The following STK32B variants were observed in gnomAD, a reference collection of about 807,000 sequenced individuals.
STK32B encodes serine/threonine-protein kinase 32B.
STK32B carries 43 observed loss-of-function variants against 52.6 expected under a neutral mutation model. The observed-to-expected ratio is 0.82, with a 90% CI of 0.64 to 1.05. STK32B has a LOEUF of 1.05. STK32B is among the 50% of genes least tolerant of loss of function. STK32B has a pLI of 0.00. For missense variants in STK32B, 621 were observed against 534.6 expected (o/e 1.16, Z -1.59); for synonymous variants, 238 against 204.3 (o/e 1.17, Z -1.41).
chr4:5,189,291 C>A (rs746483457), intron 3 of STK32B, among the ~76,000 whole-genome samples: 1 of 152,176 alleles, frequency 6.6e-6, no homozygotes, highest in Non-Finnish European at 1.5e-5. Context: ...TGCTCTAAAA[C>A]CCTCTGTGAT....
In STK32B at chr4:5,148,069, T is replaced by C. The variant is rs958225842; in HGVS notation, c.108+8109T>C. On this transcript the variant is annotated intron_variant, in intron 2 of 11. Coordinates refer to ENST00000282908, the MANE Select transcript of STK32B (RefSeq NM_018401.3). ...AAGGCTTTTGACTACAAAATTACCT[T>C]CTTTAGTAGATATAAGGCACTCAGA... 2.0e-5 allele frequency among the ~76,000 whole-genome samples: 3 copies of C among 151,922 alleles called. 1 individual carries two copies. The highest frequency in any genetic ancestry group is 3.8e-4 in the East Asian group (2 of 5,198).
chr4:5,221,931 A>G (rs757778663), intron 3 of STK32B, among the ~76,000 whole-genome samples: 1 of 151,878 alleles, frequency 6.6e-6, no homozygotes, highest in Non-Finnish European at 1.5e-5. Context: ...TGATTAGGCC[A>G]CCAGGTCTCC....
chr4:5,495,749 T>G (rs943311051), intron 11 of STK32B, among the ~76,000 whole-genome samples: 12 of 152,200 alleles, frequency 7.9e-5, no homozygotes, highest in African/African-American at 1.4e-4. Context: ...TACAGATGGG[T>G]TTTTGGTGTG....
At chr4:5,357,088 T>C (rs1734236909) in intron 4 of STK32B, among the ~76,000 whole-genome samples, 1 of 148,690 alleles carries the variant, frequency 6.7e-6, no homozygotes, top group Non-Finnish European at 1.5e-5. Context: ...CACACACGTA[T>C]ACACACACAC....
At chr4:5,457,823 G>C (rs892955523) in intron 8 of STK32B, among the ~76,000 whole-genome samples, 17 of 145,590 alleles carry the variant, frequency 1.2e-4, no homozygotes, top group Admixed American at 1.1e-3. Context: ...GGTGAGCCAA[G>C]ATCGCACCAT....
intron 4 of STK32B, among the ~76,000 whole-genome samples, chr4:5,387,591 A>C (rs1341027872): frequency 6.6e-6 from 1 of 152,120 alleles, no homozygotes. Flanking sequence ...CCAGCCGTGC[A>C]TGCAGACACA....
chr4:5,447,030 A>T, intron 7 of STK32B: 1 of 369,004 alleles, frequency 2.7e-6, no homozygotes, highest in South Asian at 4.6e-5. Flanking sequence ...ACAGCGGATC[A>T]GTGACAAGTC....
rs372888437 is a variant in STK32B, at chr4:5,254,670, G to T, written c.261-76550G>T. On this transcript the variant is annotated intron_variant, in intron 3 of 11. Transcript: ENST00000282908. ...TAAAATTTCCAAACATTTGGAGATT[G>T]TTTAGCTTTTTCTTATTGAGTTCCA... Among the ~76,000 whole-genome samples the T allele has an allele frequency of 1.1e-4, 17 of 152,166 alleles. No individual in the cohort carries two copies. The East Asian group carries it at 2.5e-3, about 22-fold the overall frequency.
chr4:5,182,751 G>A (rs1024929015), intron 3 of STK32B, among the ~76,000 whole-genome samples: 6 of 151,994 alleles, frequency 3.9e-5, no homozygotes, highest in East Asian at 1.9e-4. Flanking sequence ...GAGCCACTGC[G>A]CCCAGCCCCA....
intron 2 of STK32B, among the ~76,000 whole-genome samples, chr4:5,165,216 A>G (rs920624680): frequency 3.2e-4 from 49 of 152,280 alleles, no homozygotes; most frequent in Admixed American, 1.4e-3. Flanking sequence ...AAGACCCCTG[A>G]TCCTTGGCCT....
chr4:5,459,652 G>T (rs1716875757), intron 8 of STK32B, among the ~76,000 whole-genome samples: 1 of 152,196 alleles, frequency 6.6e-6, no homozygotes, highest in African/African-American at 2.4e-5. Context: ...TACAAATGAG[G>T]CCACTTCATT....
chr4:5,441,114 C>T (rs13123348), intron 6 of STK32B, among the ~76,000 whole-genome samples: 1 of 147,988 alleles, frequency 6.8e-6, no homozygotes, highest in Non-Finnish European at 1.5e-5. Flanking sequence ...ATGATGCTGG[C>T]CTCATAAAAT....
At position 5,317,725 on chromosome 4, in the gene STK32B, G is replaced by A. The variant is rs1001178139; in HGVS notation, c.261-13495G>A. 6.6e-5 allele frequency among the ~76,000 whole-genome samples: 10 copies of A among 150,738 alleles called. No homozygotes were observed. The East Asian group carries it at 1.4e-3, about 21-fold the overall frequency. ...CCTATTCTTGTTTGGGAGGCTTCTT[G>A]GAGAAGGTGACAAGTGATTTCCTTA... On this transcript the variant is annotated intron_variant, in intron 3 of 11. Transcript: ENST00000282908.
At chr4:5,495,412 G>GA (rs1720138633) in intron 11 of STK32B, among the ~76,000 whole-genome samples, 1 of 152,062 alleles carries the variant, frequency 6.6e-6, no homozygotes, top group South Asian at 2.1e-4. Flanking sequence ...CTCGAGCCTT[G>GA]GCTTTCAGCT....
chr4:5,059,052 C>CTTTTTTTTTT (rs3072775), intron 1 of STK32B, among the ~76,000 whole-genome samples: 3,578 of 86,776 alleles, frequency 0.041, 709 homozygotes, highest in East Asian at 0.079. Flanking sequence ...CGCCCAGCTG[C>CTTTTTTTTTT]TTTTTTTTTT....
At chr4:5,472,474 T>C (rs1717919409) in intron 11 of STK32B, among the ~76,000 whole-genome samples, 1 of 152,248 alleles carries the variant, frequency 6.6e-6, no homozygotes, top group African/African-American at 2.4e-5. Context: ...CCAGGGCTGG[T>C]CAGGGCTTTG....
At chr4:5,445,175 C>G (rs1000658241) in intron 6 of STK32B, among the ~76,000 whole-genome samples, 1 of 152,134 alleles carries the variant, frequency 6.6e-6, no homozygotes, top group Non-Finnish European at 1.5e-5. Context: ...TGAAAGTGCA[C>G]TTAGAAAATG....
At chr4:5,045,763 C>T in the STK32B span, among the ~76,000 whole-genome samples, 2,324 of 152,080 alleles carry the variant, frequency 0.015, 24 homozygotes, top group South Asian at 0.064. Context: ...TTTTGTATCC[C>T]GAGACTTTGC....
intron 2 of STK32B, among the ~76,000 whole-genome samples, chr4:5,158,099 A>G (rs1165461769): frequency 6.6e-6 from 1 of 152,180 alleles, no homozygotes; most frequent in South Asian, 2.1e-4. Context: ...TCACTCATGA[A>G]TGGCTTGCAA....
Sources: gnomAD v4.1 joint callset for allele counts (sites outside exome capture counted in the v4.1 genomes callset) on GRCh38, gnomAD v4.1.1 for gene constraint, MANE v1.5 for transcripts, NCBI Gene and HGNC (gene_info 2026-07-23, HGNC 2026-07-21) for gene names.